ANKRD11: variants seen among roughly 807,000 people sequenced by gnomAD.
The protein encoded by ANKRD11 is ankyrin repeat domain-containing protein 11.
In ANKRD11, 17 loss-of-function variants were observed where a neutral mutation model predicts 195.7. The observed-to-expected ratio is 0.09, with a 90% CI of 0.06 to 0.13. The LOEUF is 0.13. Ranked by LOEUF, ANKRD11 falls within the 10% of genes least tolerant of loss-of-function variation. The probability of loss-of-function intolerance (pLI) is 1.00; values close to 1 mark genes in which losing one functional copy is unlikely to be tolerated. For missense variants in ANKRD11, 3,735 were observed against 3,566.1 expected (o/e 1.05, Z -1.21); for synonymous variants, 1,953 against 1,528.1 (o/e 1.28, Z -6.49).
chr16:89,308,580 C>T (rs1267453417), intron 3 of ANKRD11, among the ~76,000 whole-genome samples: 1 of 152,202 alleles, frequency 6.6e-6, no homozygotes, highest in Non-Finnish European at 1.5e-5. Context: ...CCCACCAGGA[C>T]AGTTGGGAGA....
Position 89,279,054 on chromosome 16 carries a change from C to T in ANKRD11, c.7470+18G>A. ...CCCAGAGAGAGAAGGCAGTGGCTCT[C>T]CCGGGCCCCGCACTCACCACGGGGA... On this transcript the variant is annotated intron_variant, in intron 9 of 12. Coordinates refer to ENST00000301030, the MANE Select transcript of ANKRD11 (RefSeq NM_013275.6). The surrounding 1 kb of genome is among the most constrained non-coding windows in gnomAD (Gnocchi z 5.6). 1 of 1,613,414 alleles carries T rather than the reference C, an allele frequency of 6.2e-7. No individual in the cohort carries two copies. The highest frequency in any genetic ancestry group is 8.5e-7 in the Non-Finnish European group (1 of 1,179,750).
At chr16:89,435,431 T>TTGC (rs1340430481) in intron 1 of ANKRD11, among the ~76,000 whole-genome samples, 1 of 152,108 alleles carries the variant, frequency 6.6e-6, no homozygotes, top group Non-Finnish European at 1.5e-5. Context: ...ACAATAAATC[T>TTGC]TGCTGCTGCT....
At chr16:89,444,862 T>A (rs181050465) in intron 1 of ANKRD11, among the ~76,000 whole-genome samples, 23 of 152,220 alleles carry the variant, frequency 1.5e-4, no homozygotes, top group Admixed American at 1.1e-3. Flanking sequence ...CAAGTAACCC[T>A]ACAGTGTGAG....
In ANKRD11 at chr16:89,284,388, C is replaced by T; in HGVS notation, c.2154G>A (p.Leu718=). The T allele has an allele frequency of 3.7e-6, 6 of 1,613,814 alleles. No homozygotes were observed. The highest frequency in any genetic ancestry group is 1.1e-5 in the South Asian group (1 of 91,044). The change falls in exon 9 of 13, where the codon CTG becomes CTA. Residue 718 remains leucine, a synonymous_variant. Coordinates refer to ENST00000301030, the MANE Select transcript of ANKRD11 (RefSeq NM_013275.6). ...KEWLFKDEKS[L]KRIKDTNKDI... is the part of the protein sequence containing the mutation. Reference sequence around the variant, plus strand: ...CTTTGTTTGTGTCTTTGATTCTCTTCAGTGATTTTTCATCTTTAAAGAGCC... The same window carrying T: ...CTTTGTTTGTGTCTTTGATTCTCTTTAGTGATTTTTCATCTTTAAAGAGCC...
chr16:89,284,281 T>C lies in ANKRD11; in HGVS notation c.2261A>G (p.Lys754Arg), dbSNP rs2151760763. 6.2e-7 allele frequency: 1 copy of C among 1,613,960 alleles called. No individual in the cohort carries two copies. The highest frequency in any genetic ancestry group is 2.2e-5 in the East Asian group (1 of 44,872). ...TTTGTACAGTCTCAGTTTTTCTTCT[T>C]TCGGAGACTTTTCCTTCAGCGATCT... Reference protein sequence around the residue: ...KERSLKEKSPKEEKLRLYKEE... With the variant: ...KERSLKEKSPREEKLRLYKEE... Residue 754 changes from lysine (K) to arginine (R), a missense_variant, in exon 9 of 13, where the codon AAA becomes AGA. Transcript: ENST00000301030.
At chr16:89,408,917 A>C (rs1404184363) in intron 2 of ANKRD11, among the ~76,000 whole-genome samples, 1 of 152,242 alleles carries the variant, frequency 6.6e-6, no homozygotes, top group Non-Finnish European at 1.5e-5. Context: ...CTTAGGAGTT[A>C]CTGGGAAATA....
chr16:89,382,288 T>G (rs1010581318), intron 2 of ANKRD11, among the ~76,000 whole-genome samples: 4 of 151,886 alleles, frequency 2.6e-5, no homozygotes, highest in African/African-American at 9.7e-5. Context: ...AACTGCATCT[T>G]AAACTAGACA....
intron 2 of ANKRD11, among the ~76,000 whole-genome samples, chr16:89,415,811 C>G (rs2042275691): frequency 1.6e-5 from 1 of 60,984 alleles, no homozygotes; most frequent in Non-Finnish European, 3.4e-5. Flanking sequence ...CCCTGCACAA[C>G]AAAGCTAGAC....
In ANKRD11 at chr16:89,471,266, A is replaced by G. The variant is rs533736037; in HGVS notation, c.-145+18979T>C. On this transcript the variant is annotated intron_variant, in intron 1 of 12. Coordinates refer to ENST00000301030, the MANE Select transcript of ANKRD11 (RefSeq NM_013275.6). ...AAACTAGTTACTATCTGGAAATTCT[A>G]GCGATTTCCAAATCACAGCTTTCGA... Among the ~76,000 whole-genome samples the G allele has an allele frequency of 4.6e-5, 7 of 152,304 alleles. No homozygotes were observed. The South Asian group carries it at 1.5e-3, about 32-fold the overall frequency.
chr16:89,442,173 G>C (rs1186545896), intron 1 of ANKRD11, among the ~76,000 whole-genome samples: 1 of 152,272 alleles, frequency 6.6e-6, no homozygotes, highest in East Asian at 1.9e-4. Flanking sequence ...AGGAGGCTCA[G>C]CAGAGGGAGG....
intron 2 of ANKRD11, among the ~76,000 whole-genome samples, chr16:89,395,531 T>C (rs2041388916): frequency 6.6e-6 from 1 of 152,204 alleles, no homozygotes; most frequent in Non-Finnish European, 1.5e-5. Flanking sequence ...GAACCGAATC[T>C]TACTTGTCCA....
intron 2 of ANKRD11, chr16:89,372,873 T>C (rs565737242): frequency 1.5e-4 from 23 of 152,344 alleles, no homozygotes; most frequent in African/African-American, 5.5e-4. Flanking sequence ...CGTTCATCAG[T>C]GGTCCCCGTT....
intron 2 of ANKRD11, chr16:89,396,170 G>C (rs1370351969): frequency 6.6e-6 from 1 of 152,226 alleles, no homozygotes. Context: ...AAAACTCCAA[G>C]AGCAGACAGC....
chr16:89,391,330 G>C (rs899668802), intron 2 of ANKRD11, among the ~76,000 whole-genome samples: 1 of 152,110 alleles, frequency 6.6e-6, no homozygotes, highest in African/African-American at 2.4e-5. Flanking sequence ...CCCAGGGCTT[G>C]CGGTGGGTGC....
At chr16:89,338,310 G>A (rs1157704913) in intron 2 of ANKRD11, among the ~76,000 whole-genome samples, 1 of 151,598 alleles carries the variant, frequency 6.6e-6, no homozygotes, top group Non-Finnish European at 1.5e-5. Context: ...CCCCTACCAA[G>A]CCAGGACAGC....
chr16:89,281,647 T>C lies in ANKRD11; in HGVS notation c.4895A>G (p.Lys1632Arg), dbSNP rs1169432967. Residue 1632 changes from lysine to arginine, a missense_variant, in exon 9 of 13, where the codon AAG becomes AGG. Lys to Arg is a conservative substitution (Grantham distance 26). Transcript: ENST00000301030. This position sits in a 1 kb window ranked among gnomAD's most constrained non-coding sequence, Gnocchi z 5.5. ...CTTAGCAGGAATGTCCAGACCCTTCTTCCGCCCGTCGTCTGCCGGCTTCGC... is the reference window on the plus strand; with the variant it reads ...CTTAGCAGGAATGTCCAGACCCTTCCTCCGCCCGTCGTCTGCCGGCTTCGC... Reference protein sequence around the residue: ...EKAKPADDGRKKGLDIPAKKP... With the variant: ...EKAKPADDGRRKGLDIPAKKP... The C allele has an allele frequency of 1.9e-6, 3 of 1,614,060 alleles. No individual in the cohort carries two copies. The highest frequency in any genetic ancestry group is 2.5e-6 in the Non-Finnish European group (3 of 1,180,016).
chr16:89,450,559 G>A (rs1289999765), intron 1 of ANKRD11, among the ~76,000 whole-genome samples: 5 of 152,102 alleles, frequency 3.3e-5, no homozygotes, highest in Admixed American at 6.5e-5. Context: ...TGCAGAAGAG[G>A]GCTGACAATC....
intron 2 of ANKRD11, among the ~76,000 whole-genome samples, chr16:89,343,271 G>A (rs1380028037): frequency 1.3e-5 from 2 of 152,258 alleles, no homozygotes. Context: ...GGGATTACAG[G>A]TGTGAGCCAC....
intron 1 of ANKRD11, among the ~76,000 whole-genome samples, chr16:89,437,020 T>C (rs1015060176): frequency 4.6e-5 from 7 of 152,076 alleles, no homozygotes; most frequent in African/African-American, 7.3e-5. Context: ...TTTAGAACAT[T>C]TGTCCCCAAT....
Sources: allele counts gnomAD v4.1 joint callset (sites outside exome capture counted in the v4.1 genomes callset), GRCh38; gene constraint gnomAD v4.1.1; non-coding constraint Gnocchi (gnomAD v3.1); transcripts MANE v1.5; gene names NCBI Gene and HGNC (gene_info 2026-07-23, HGNC 2026-07-21).